The following LSAMP variants were observed in gnomAD, a reference collection of about 807,000 sequenced individuals.
LSAMP encodes limbic system associated membrane protein.
Under a neutral mutation model 38.6 loss-of-function variants are expected in LSAMP, and 7 were observed. That is an observed-to-expected ratio of 0.18 (90% CI 0.10 to 0.34). The LOEUF (loss-of-function observed/expected upper bound fraction) is 0.34, where lower values mean the gene tolerates loss of function less well. Among genes scored for constraint, LSAMP ranks in the 10% least tolerant of loss-of-function variants. The pLI is 1.00. For synonymous variants in LSAMP, 154 were observed against 166.8 expected (o/e 0.92, Z 0.59); for missense variants, 313 against 420.0 (o/e 0.75, Z 2.23).
At chr3:116,233,806 AATT>A (rs1439908296) in intron 1 of LSAMP, among the ~76,000 whole-genome samples, 3 of 152,168 alleles carry the variant, frequency 2.0e-5, no homozygotes, top group Admixed American at 6.5e-5. Context: ...GTTTAAGGGG[AATT>A]ATTGATATCC....
chr3:116,124,920 T>C (rs1449863675), intron 1 of LSAMP, among the ~76,000 whole-genome samples: 1 of 152,220 alleles, frequency 6.6e-6, no homozygotes, highest in Non-Finnish European at 1.5e-5. Flanking sequence ...AATAACTGAC[T>C]GATTTTTGCT....
chr3:115,923,941 A>G (rs945852136), intron 3 of LSAMP, among the ~76,000 whole-genome samples: 3 of 152,166 alleles, frequency 2.0e-5, no homozygotes, highest in Non-Finnish European at 2.9e-5. Context: ...GAGGAGCACT[A>G]CATAAATTTA....
chr3:116,309,165 T>C (rs925302342), intron 1 of LSAMP, among the ~76,000 whole-genome samples: 1 of 152,104 alleles, frequency 6.6e-6, no homozygotes, highest in African/African-American at 2.4e-5. Flanking sequence ...AAAGCATCAA[T>C]TAGCAATTAC....
intron 6 of LSAMP, among the ~76,000 whole-genome samples, chr3:115,828,552 TA>T (rs1006498007): frequency 6.6e-6 from 1 of 152,318 alleles, no homozygotes; most frequent in African/African-American, 2.4e-5. Flanking sequence ...CCGTGCACTC[TA>T]AAGACCAGAG....
At chr3:115,885,722 C>T (rs558395920) in intron 3 of LSAMP, among the ~76,000 whole-genome samples, 5 of 151,540 alleles carry the variant, frequency 3.3e-5, no homozygotes, top group South Asian at 2.1e-4. Context: ...TCTTATCAAT[C>T]GGAATACTGG....
intron 1 of LSAMP, among the ~76,000 whole-genome samples, chr3:116,336,964 ATGTG>A (rs926908896): frequency 1.3e-5 from 2 of 151,540 alleles, no homozygotes; most frequent in Non-Finnish European, 2.9e-5. Context: ...ACATATATAT[ATGTG>A]TGTGTGTAAT....
chr3:116,392,842 G>A (rs911511653), intron 1 of LSAMP, among the ~76,000 whole-genome samples: 1 of 152,144 alleles, frequency 6.6e-6, no homozygotes, highest in Admixed American at 6.5e-5. Context: ...GGAGATGACG[G>A]GATGACAAGC....
intron 1 of LSAMP, among the ~76,000 whole-genome samples, chr3:116,242,106 A>G (rs2046544232): frequency 6.6e-6 from 1 of 152,208 alleles, no homozygotes; most frequent in African/African-American, 2.4e-5. Context: ...TGTAGCTTCT[A>G]TCTCTGTGGA....
chr3:116,248,428 A>G (rs2046630636), intron 1 of LSAMP, among the ~76,000 whole-genome samples: 1 of 151,352 alleles, frequency 6.6e-6, no homozygotes, highest in Non-Finnish European at 1.5e-5. Context: ...CTTGAGCCCA[A>G]GAGTTTGAAT....
intron 1 of LSAMP, 26 bp downstream of exon 1, chr3:116,444,851 G>A: frequency 6.2e-7 from 1 of 1,613,248 alleles, no homozygotes; most frequent in Non-Finnish European, 8.5e-7. Flanking sequence ...GACGCGCGCA[G>A]CAGAAAAGTT....
chr3:115,903,912 C>T (rs75418299), intron 3 of LSAMP, among the ~76,000 whole-genome samples: 20,539 of 152,080 alleles, frequency 0.14, 1,822 homozygotes, highest in Admixed American at 0.22. Context: ...TAAAGTCTTC[C>T]CTCCAAAATT....
chr3:116,125,743 C>CAATA (rs1223277300), intron 1 of LSAMP, among the ~76,000 whole-genome samples: 2 of 151,976 alleles, frequency 1.3e-5, no homozygotes, highest in Non-Finnish European at 2.9e-5. Context: ...TAGGGCAGTT[C>CAATA]AATAAATAAA....
intron 4 of LSAMP, among the ~76,000 whole-genome samples, chr3:115,850,197 T>C (rs1186565485): frequency 6.6e-6 from 1 of 152,150 alleles, no homozygotes; most frequent in African/African-American, 2.4e-5. Flanking sequence ...AAATTACACT[T>C]TGGGGACAGT....
intron 1 of LSAMP, among the ~76,000 whole-genome samples, chr3:116,271,024 C>A (rs2046965161): frequency 6.6e-6 from 1 of 151,848 alleles, no homozygotes; most frequent in Admixed American, 6.6e-5. Flanking sequence ...AGAAGTGAGT[C>A]CTTAGACCTT....
intron 1 of LSAMP, among the ~76,000 whole-genome samples, chr3:116,279,956 A>C (rs2032648829): frequency 1.3e-5 from 2 of 152,220 alleles, no homozygotes; most frequent in African/African-American, 4.8e-5. Context: ...ACCAGTTAAG[A>C]AACAATCATT....
At chr3:116,302,924 A>T (rs1420421484) in intron 1 of LSAMP, among the ~76,000 whole-genome samples, 1 of 152,206 alleles carries the variant, frequency 6.6e-6, no homozygotes, top group Non-Finnish European at 1.5e-5. Context: ...CATTTTTGTC[A>T]GCCTATAAAA....
In LSAMP at chr3:115,845,115, G is replaced by C. The variant is rs185323732; in HGVS notation, c.650-2537C>G. 3.9e-3 allele frequency among the ~76,000 whole-genome samples: 590 copies of C among 152,282 alleles called. 1 individual carries two copies. The highest frequency in any genetic ancestry group is 6.2e-3 in the Non-Finnish European group (424 of 68,012). On this transcript the variant is annotated intron_variant, in intron 4 of 6. Transcript: ENST00000490035. ...AGGAGTGTTGAAAAGGTAACACTGT[G>C]ATTTCTGGCTTGGGCATCTGGGTAA...
In LSAMP at chr3:116,432,695, A is replaced by G. The variant is rs73859213; in HGVS notation, c.155+12182T>C. 2.0e-3 allele frequency among the ~76,000 whole-genome samples: 307 copies of G among 152,220 alleles called. 1 individual carries two copies. The highest frequency in any genetic ancestry group is 6.9e-3 in the African/African-American group (287 of 41,562). On this transcript the variant is annotated intron_variant, in intron 1 of 6. Transcript: ENST00000490035. ...AGACCAACATCTTTGCTTATAAGAC[A>G]AGTAGGAGTTGGAACAATGGAAGCT...
chr3:116,105,098 G>A (rs1462863930), intron 1 of LSAMP, among the ~76,000 whole-genome samples: 2 of 151,886 alleles, frequency 1.3e-5, no homozygotes, highest in Non-Finnish European at 1.5e-5. Flanking sequence ...GTTTGACTTG[G>A]GTATAGGATA....
Sources: gnomAD v4.1 joint callset for allele counts (sites outside exome capture counted in the v4.1 genomes callset) on GRCh38, gnomAD v4.1.1 for gene constraint, MANE v1.5 for transcripts, NCBI Gene and HGNC (gene_info 2026-07-23, HGNC 2026-07-21) for gene names.